The following DRGX variants were observed in gnomAD, a reference collection of about 807,000 sequenced individuals.
DRGX encodes dorsal root ganglia homeobox protein.
Under a neutral mutation model 28.6 loss-of-function variants are expected in DRGX, and 21 were observed. That is an observed-to-expected ratio of 0.73 (90% CI 0.52 to 1.06). The LOEUF is 1.06. Among genes scored for constraint, DRGX ranks in the 50% least tolerant of loss-of-function variants. The pLI is 0.00. For missense variants in DRGX, 354 were observed against 343.9 expected, an observed-to-expected ratio of 1.03 and a Z score of -0.23; for synonymous variants, 136 against 139.1, an observed-to-expected ratio of 0.98 and a Z score of 0.16.
At chr10:49,386,620 C>T (rs1461723489) in intron 5 of DRGX, 30 bp from the exon 6 acceptor site, 1 of 1,592,610 alleles carries the variant, frequency 6.3e-7, no homozygotes. Context: ...ATATTGAGGT[C>T]TCGCCCTGTG....
intron 6 of DRGX, among the ~76,000 whole-genome samples, chr10:49,377,330 C>A (rs147987183): frequency 6.6e-6 from 1 of 152,218 alleles, no homozygotes; most frequent in Non-Finnish European, 1.5e-5. Flanking sequence ...ACTGGAAGTA[C>A]GGGTGGTCAA....
chr10:49,377,085 C>T (rs907708281), intron 6 of DRGX, among the ~76,000 whole-genome samples: 5 of 152,186 alleles, frequency 3.3e-5, no homozygotes, highest in African/African-American at 9.6e-5. Flanking sequence ...AGGAGAGCCT[C>T]GAGGTCTCTG....
chr10:49,379,165 A>G (rs1214975115), intron 6 of DRGX, among the ~76,000 whole-genome samples: 1 of 152,242 alleles, frequency 6.6e-6, no homozygotes, highest in Non-Finnish European at 1.5e-5. Flanking sequence ...ACTGTGGATA[A>G]GGGAAACTAA....
chr10:49,386,440 G>A (rs1270389992), intron 6 of DRGX, 38 bp downstream of exon 6: 4 of 1,481,390 alleles, frequency 2.7e-6, no homozygotes, highest in East Asian at 5.0e-5. Context: ...CCAACCCCAT[G>A]AGGCCACGCC....
intron 2 of DRGX, chr10:49,391,910 G>A (rs1849910765): frequency 2.0e-6 from 1 of 495,880 alleles, no homozygotes; most frequent in South Asian, 1.5e-5. Context: ...TGCACCAATA[G>A]TGACTGTCCT....
At chr10:49,377,131 T>C (rs12572851) in intron 6 of DRGX, among the ~76,000 whole-genome samples, 11,310 of 152,094 alleles carry the variant, frequency 0.074, 468 homozygotes, top group Middle Eastern at 0.14. Flanking sequence ...AAAGCCAGGG[T>C]CAATATCTTT....
chr10:49,368,613 C>A (rs1201088526), intron 6 of DRGX, among the ~76,000 whole-genome samples: 2 of 152,228 alleles, frequency 1.3e-5, no homozygotes, highest in Non-Finnish European at 2.9e-5. Flanking sequence ...TGGTTAGAAC[C>A]CACCCCCATG....
chr10:49,388,054 A>G (rs1849859803), intron 4 of DRGX, among the ~76,000 whole-genome samples: 1 of 152,194 alleles, frequency 6.6e-6, no homozygotes, highest in Non-Finnish European at 1.5e-5. Context: ...TACTCATGTC[A>G]TCTCCGTCAC....
Position 49,381,788 on chromosome 10 carries a change from G to C in DRGX, c.526+4690C>G, listed in dbSNP as rs554163194. 3.3e-4 allele frequency among the ~76,000 whole-genome samples: 51 copies of C among 152,320 alleles called. No individual in the cohort carries two copies. In the Middle Eastern group the frequency reaches 0.017, roughly 51 times the overall value. Reference sequence around the variant, plus strand: ...TCAGTCACAGGGGAGCAGCACCCAGGGGGTATCTAGGGCTGGGCCCGAACC... The same window carrying C: ...TCAGTCACAGGGGAGCAGCACCCAGCGGGTATCTAGGGCTGGGCCCGAACC... On this transcript the variant is annotated intron_variant, in intron 6 of 6. Coordinates refer to ENST00000374139, the MANE Select transcript of DRGX (RefSeq NM_001276451.2).
chr10:49,390,481 A>G (rs963378692), intron 3 of DRGX, among the ~76,000 whole-genome samples: 1 of 152,228 alleles, frequency 6.6e-6, no homozygotes, highest in Non-Finnish European at 1.5e-5. Context: ...GAGAGGTGTG[A>G]ATATTTATAT....
At chr10:49,379,466 T>C (rs916331440) in intron 6 of DRGX, among the ~76,000 whole-genome samples, 3 of 152,124 alleles carry the variant, frequency 2.0e-5, no homozygotes, top group Non-Finnish European at 4.4e-5. Context: ...AAGGAAAACA[T>C]CGTTAAAGAA....
At position 49,390,210 on chromosome 10, in the gene DRGX, CA is replaced by C; in HGVS notation, c.156del (p.Phe52LeufsTer17). On this transcript the variant is annotated frameshift_variant, in exon 4 of 7. Coordinates refer to ENST00000374139, the MANE Select transcript of DRGX (RefSeq NM_001276451.2). LOFTEE classifies it high-confidence loss of function. Reference protein sequence around the residue: ...LQQLEALEAVFAQTHYPDVFT... With the variant: ...LQQLEALEAVXAQTHYPDVFT... ...AAGACATCTGGATAGTGTGTTTGGGCAAAAACGGCCTCGAGAGCTTCCAGCT... is the reference window on the plus strand; with the variant it reads ...AAGACATCTGGATAGTGTGTTTGGGCAAAACGGCCTCGAGAGCTTCCAGCT... The C allele has an allele frequency of 6.2e-7, 1 of 1,611,744 alleles. No homozygotes were observed. Among genetic ancestry groups the C allele is most frequent in the Non-Finnish European group, 8.5e-7 (1 of 1,178,964 alleles).
intron 6 of DRGX, among the ~76,000 whole-genome samples, chr10:49,373,106 T>A (rs533764108): frequency 1.5e-3 from 226 of 152,210 alleles, no homozygotes; most frequent in African/African-American, 5.2e-3. Context: ...AATAAAAAAA[T>A]TTTAAGCTAT....
intron 4 of DRGX, among the ~76,000 whole-genome samples, chr10:49,387,971 A>G (rs1311347667): frequency 6.6e-6 from 1 of 152,188 alleles, no homozygotes; most frequent in Non-Finnish European, 1.5e-5. Flanking sequence ...AAGCCTTGTT[A>G]GGAAGATTGG....
intron 6 of DRGX, among the ~76,000 whole-genome samples, chr10:49,385,582 T>C (rs1333342216): frequency 3.9e-5 from 6 of 152,150 alleles, no homozygotes. Context: ...ACTGTGTGTG[T>C]GTGTGTGTAT....
At chr10:49,385,706 A>C (rs186659784) in intron 6 of DRGX, among the ~76,000 whole-genome samples, 45 of 151,728 alleles carry the variant, frequency 3.0e-4, no homozygotes, top group Admixed American at 5.9e-4. Flanking sequence ...CTATTATCAG[A>C]AAAAAAAGCC....
At chr10:49,384,717 C>A (rs1032579717) in intron 6 of DRGX, among the ~76,000 whole-genome samples, 2 of 152,144 alleles carry the variant, frequency 1.3e-5, no homozygotes, top group African/African-American at 4.8e-5. Flanking sequence ...GCTGGGAGCA[C>A]CCCCAGGGTG....
chr10:49,376,739 G>T (rs1276980590), intron 6 of DRGX, among the ~76,000 whole-genome samples: 1 of 152,200 alleles, frequency 6.6e-6, no homozygotes, highest in Non-Finnish European at 1.5e-5. Flanking sequence ...ACGCAGCATT[G>T]CCAGGCTCCT....
intron 6 of DRGX, among the ~76,000 whole-genome samples, chr10:49,372,636 A>G (rs1446173861): frequency 6.6e-6 from 1 of 152,224 alleles, no homozygotes; most frequent in Non-Finnish European, 1.5e-5. Context: ...CAGCTGAAGA[A>G]CCCAAGTTGT....
Sources: allele counts gnomAD v4.1 joint callset (sites outside exome capture counted in the v4.1 genomes callset), GRCh38; gene constraint gnomAD v4.1.1; transcripts MANE v1.5; gene names NCBI Gene and HGNC (gene_info 2026-07-23, HGNC 2026-07-21).